Variants in MYO5A observed in about 807,000 individuals in gnomAD.
The protein encoded by MYO5A is unconventional myosin-Va.
MYO5A carries 98 observed loss-of-function variants against 249.7 expected under a neutral mutation model. The observed-to-expected ratio is 0.39, with a 90% CI of 0.33 to 0.46. The LOEUF (loss-of-function observed/expected upper bound fraction) is 0.46, where lower values mean the gene tolerates loss of function less well. Among genes scored for constraint, MYO5A ranks in the 20% least tolerant of loss-of-function variants. The pLI is 0.98. For synonymous variants in MYO5A, 778 were observed against 810.6 expected (o/e 0.96, Z 0.68); for missense variants, 1,696 against 2,308.8 (o/e 0.73, Z 5.44).
chr15:52,408,647 TTATAAAA>T (rs1378033236), intron 6 of MYO5A, among the ~76,000 whole-genome samples: 1 of 152,190 alleles, frequency 6.6e-6, no homozygotes, highest in East Asian at 1.9e-4. Flanking sequence ...AATAACTGTT[TTATAAAA>T]TAGAAAATAA....
intron 1 of MYO5A, among the ~76,000 whole-genome samples, chr15:52,515,269 C>T (rs1180417801): frequency 7.1e-6 from 1 of 140,274 alleles, no homozygotes; most frequent in Non-Finnish European, 1.6e-5. Context: ...AGAGCAAGAC[C>T]CTGTCTCAAG....
At chr15:52,328,039 A>G in intron 35 of MYO5A, 33 bp from the exon 36 acceptor site, 2 of 1,570,328 alleles carry the variant, frequency 1.3e-6, no homozygotes, top group Non-Finnish European at 1.7e-6. Context: ...TTTATATAAC[A>G]TGGAAAATTT....
chr15:52,326,344 A>G (rs2414137), intron 36 of MYO5A, among the ~76,000 whole-genome samples: 14,423 of 152,288 alleles, frequency 0.095, 2,117 homozygotes, highest in African/African-American at 0.32. Context: ...AGCAAAACTT[A>G]TAGTTTATCT....
Position 52,528,779 on chromosome 15 carries a change from C to T in MYO5A, c.27+1G>A. On this transcript the variant is annotated splice_donor_variant, in intron 1 of 41. Coordinates refer to ENST00000399233, the MANE Select transcript of MYO5A (RefSeq NM_001382347.1). LOFTEE classifies it high-confidence loss of function. ...TCGACGCCGGCCGCGGGGTGCCTTACCTTTGTGTAGAGCTCCGACGCAGCC... is the reference window on the plus strand; with the variant it reads ...TCGACGCCGGCCGCGGGGTGCCTTATCTTTGTGTAGAGCTCCGACGCAGCC... 1 of 1,507,504 alleles carries T rather than the reference C, an allele frequency of 6.6e-7. No individual in the cohort carries two copies. The highest frequency in any genetic ancestry group is 8.8e-7 in the Non-Finnish European group (1 of 1,134,900). 93.4% of individuals were successfully genotyped at this position (1,507,504 alleles called of 1,614,324 possible).
At position 52,364,788 on chromosome 15, in the gene MYO5A, CTG is replaced by C. The variant is rs2040730935; in HGVS notation, c.3161-88_3161-87del. 8 of 1,507,060 alleles carry C rather than the reference CTG, an allele frequency of 5.3e-6. No homozygotes were observed. In the Admixed American group the frequency reaches 6.8e-5, roughly 13 times the overall value. The allele number at this position is 1,507,060 out of a possible 1,614,324, so 93.4% of individuals were successfully genotyped here. ...ACATGTATACTGATTTCCAGTTTCT[CTG>C]TAGGCAATTTTACTTTTAGTATCAC... On this transcript the variant is annotated intron_variant, in intron 23 of 41. Coordinates refer to ENST00000399233, the MANE Select transcript of MYO5A (RefSeq NM_001382347.1).
intron 1 of MYO5A, among the ~76,000 whole-genome samples, chr15:52,476,296 G>A (rs1346813384): frequency 1.3e-5 from 2 of 152,052 alleles, no homozygotes; most frequent in Non-Finnish European, 2.9e-5. Context: ...CTCTGCACGT[G>A]AGATGGGTCT....
At chr15:52,314,502 G>A (rs1242871692) in intron 40 of MYO5A, among the ~76,000 whole-genome samples, 1 of 152,192 alleles carries the variant, frequency 6.6e-6, no homozygotes, top group African/African-American at 2.4e-5. Context: ...CATCCTTCCA[G>A]TCTCCCAAAG....
chr15:52,406,591 G>A (rs558748263), intron 8 of MYO5A, among the ~76,000 whole-genome samples: 2 of 151,916 alleles, frequency 1.3e-5, no homozygotes, highest in Non-Finnish European at 2.9e-5. Context: ...CTCACCTGAG[G>A]GTACTACTCA....
chr15:52,452,858 A>G (rs2141378483), intron 1 of MYO5A, among the ~76,000 whole-genome samples: 1 of 152,172 alleles, frequency 6.6e-6, no homozygotes, highest in East Asian at 1.9e-4. Context: ...AAAAAAAAAA[A>G]AAAATAGCCA....
intron 1 of MYO5A, among the ~76,000 whole-genome samples, chr15:52,477,307 A>C (rs1160342651): frequency 2.0e-5 from 3 of 152,048 alleles, no homozygotes; most frequent in African/African-American, 7.2e-5. Context: ...TCTTTTTTTA[A>C]GGTTCTTGGC....
At chr15:52,500,145 G>T (rs1052878007) in intron 1 of MYO5A, among the ~76,000 whole-genome samples, 1 of 152,098 alleles carries the variant, frequency 6.6e-6, no homozygotes, top group African/African-American at 2.4e-5. Context: ...CCGTGCACAA[G>T]AGTTCCAATT....
At chr15:52,396,765 G>C (rs979682632) in intron 10 of MYO5A, among the ~76,000 whole-genome samples, 1 of 151,904 alleles carries the variant, frequency 6.6e-6, no homozygotes, top group African/African-American at 2.4e-5. Flanking sequence ...CATATAGGAG[G>C]GAAATAGGAA....
At chr15:52,460,886 A>G (rs1176624231) in intron 1 of MYO5A, among the ~76,000 whole-genome samples, 2 of 152,228 alleles carry the variant, frequency 1.3e-5, no homozygotes, top group Non-Finnish European at 2.9e-5. Flanking sequence ...ATCATAAAAT[A>G]TATGTGAGTA....
intron 16 of MYO5A, among the ~76,000 whole-genome samples, chr15:52,381,943 C>T (rs1321725843): frequency 6.6e-6 from 1 of 152,176 alleles, no homozygotes; most frequent in Non-Finnish European, 1.5e-5. Context: ...ACTCTTGTCC[C>T]GCAGGCTAGA....
At chr15:52,521,952 G>A (rs2077630847) in intron 1 of MYO5A, among the ~76,000 whole-genome samples, 1 of 152,114 alleles carries the variant, frequency 6.6e-6, no homozygotes, top group African/African-American at 2.4e-5. Flanking sequence ...AAGGCAAAGT[G>A]GTCAGTGTGT....
rs552933371 is a variant in MYO5A at position 52,504,925 on chromosome 15, G to A, written c.27+23855C>T. On this transcript the variant is annotated intron_variant, in intron 1 of 41. Transcript: ENST00000399233. Reference sequence around the variant, plus strand: ...AGAAAAAAGAAAAGTCTGACAGGTAGGTTAAACTCTTAGGAGTTTGTATCC... The same window carrying A: ...AGAAAAAAGAAAAGTCTGACAGGTAAGTTAAACTCTTAGGAGTTTGTATCC... Among the ~76,000 whole-genome samples, 5 of 152,008 alleles carry A rather than the reference G, an allele frequency of 3.3e-5. No homozygotes were observed. The East Asian group carries it at 7.7e-4, about 24-fold the overall frequency.
At position 52,354,021 on chromosome 15, in the gene MYO5A, C is replaced by A. The variant is rs768111814; in HGVS notation, c.3424-7G>T. 5.0e-6 allele frequency: 8 copies of A among 1,613,976 alleles called. No homozygotes were observed. Among genetic ancestry groups the A allele is most frequent in the African/African-American group, 1.3e-5 (1 of 74,920 alleles). ...CCTTCTTCTCACTTGGTTCCTAAAC[C>A]CCAGGAATCACAAAGATGGTCAAGA... On this transcript the variant is annotated splice_polypyrimidine_tract_variant and splice_region_variant and intron_variant, in intron 25 of 41. Coordinates refer to ENST00000399233, the MANE Select transcript of MYO5A (RefSeq NM_001382347.1).
At chr15:52,439,174 G>A (rs1345137981) in intron 1 of MYO5A, among the ~76,000 whole-genome samples, 3 of 152,224 alleles carry the variant, frequency 2.0e-5, no homozygotes, top group Admixed American at 6.5e-5. Flanking sequence ...CAGAGAACAT[G>A]AGGCTTGCCA....
intron 1 of MYO5A, among the ~76,000 whole-genome samples, chr15:52,482,857 C>T (rs944742979): frequency 2.0e-5 from 3 of 152,160 alleles, no homozygotes; most frequent in African/African-American, 4.8e-5. Flanking sequence ...GGACTACCAA[C>T]CTGCCCGTGG....
Sources: gnomAD v4.1 joint callset for allele counts (sites outside exome capture counted in the v4.1 genomes callset) on GRCh38, gnomAD v4.1.1 for gene constraint, MANE v1.5 for transcripts, NCBI Gene and HGNC (gene_info 2026-07-23, HGNC 2026-07-21) for gene names.